The following RNF11 variants were observed in gnomAD, a reference collection of about 807,000 sequenced individuals.
The protein encoded by RNF11 is ring finger protein 11.
RNF11 carries 4 observed loss-of-function variants against 15.8 expected under a neutral mutation model. The ratio of observed to expected loss-of-function variants is 0.25; its 90% CI spans 0.12 to 0.58. The LOEUF is 0.58. Ranked by LOEUF, RNF11 falls within the 20% of genes least tolerant of loss-of-function variation. The pLI is 0.91. For synonymous variants in RNF11, 68 were observed against 72.3 expected (o/e 0.94, Z 0.30); for missense variants, 139 against 194.4 (o/e 0.71, Z 1.70).
At chr1:51,260,234 T>C (rs1323489034) in intron 1 of RNF11, among the ~76,000 whole-genome samples, 1 of 152,230 alleles carries the variant, frequency 6.6e-6, no homozygotes, top group Non-Finnish European at 1.5e-5. Flanking sequence ...TTGCTGGTAT[T>C]TACAAATACA....
At chr1:51,247,990 A>G (rs1387890968) in intron 1 of RNF11, among the ~76,000 whole-genome samples, 3 of 152,102 alleles carry the variant, frequency 2.0e-5, no homozygotes. Context: ...GTAATTTTGT[A>G]TAACAGTTTA....
chr1:51,271,195 G>A lies in RNF11; in HGVS notation c.338G>A (p.Arg113Gln). 7.4e-6 allele frequency: 12 copies of A among 1,614,110 alleles called. No individual in the cohort carries two copies. Among genetic ancestry groups the A allele is most frequent in the Non-Finnish European group, 1.0e-5 (12 of 1,179,974 alleles). The change falls in exon 3 of 3, where the codon CGA becomes CAA. Residue 113 changes from arginine to glutamine, a missense_variant. Arg to Gln is a conservative substitution (Grantham distance 43). Transcript: ENST00000242719. ...GACTTTGTTTATGGGGACCCAATTCGATTTCTGCCGTGCATGCACATCTAT... is the reference window on the plus strand; with the variant it reads ...GACTTTGTTTATGGGGACCCAATTCAATTTCTGCCGTGCATGCACATCTAT... ...MMDFVYGDPIRFLPCMHIYHL... is the reference protein window; with the variant it reads ...MMDFVYGDPIQFLPCMHIYHL...
intron 1 of RNF11, among the ~76,000 whole-genome samples, chr1:51,252,081 C>CAAAAAAAAAAAAAAAAAAAAAA (rs928146865): frequency 2.2e-4 from 12 of 53,606 alleles, no homozygotes; most frequent in East Asian, 6.3e-4. Flanking sequence ...CATCTCAAAG[C>CAAAAAAAAAAAAAAAAAAAAAA]AAAAAAAAAA....
At chr1:51,236,945 G>A in intron 1 of RNF11, 66 bp downstream of exon 1, 3 of 1,535,974 alleles carry the variant, frequency 2.0e-6, no homozygotes, top group Non-Finnish European at 2.6e-6. Context: ...AGGGGGCTTC[G>A]GGGCCGTCTC....
intron 1 of RNF11, among the ~76,000 whole-genome samples, chr1:51,264,098 A>G (rs979110637): frequency 1.8e-4 from 27 of 151,190 alleles, no homozygotes; most frequent in African/African-American, 6.3e-4. Flanking sequence ...TACAAAATGT[A>G]TATTTTTAAT....
At chr1:51,250,862 G>A (rs751955854) in intron 1 of RNF11, 27 of 1,105,856 alleles carry the variant, frequency 2.4e-5, no homozygotes, top group Middle Eastern at 5.6e-4. Flanking sequence ...GCACAGGTGC[G>A]GAGACAATGC....
intron 1 of RNF11, among the ~76,000 whole-genome samples, chr1:51,261,330 G>C (rs1646929732): frequency 6.6e-6 from 1 of 151,990 alleles, no homozygotes; most frequent in Admixed American, 6.6e-5. Context: ...GACTGCATAA[G>C]GTTTCCATGG....
Position 51,236,465 on chromosome 1 carries a change from G to C in RNF11, c.-292G>C, listed in dbSNP as rs1646802450. 1 of 212,768 alleles carries C rather than the reference G, an allele frequency of 4.7e-6. No individual in the cohort carries two copies. The highest frequency in any genetic ancestry group is 9.3e-6 in the Non-Finnish European group (1 of 107,454). 13.2% of individuals were successfully genotyped at this position (212,768 alleles called of 1,614,324 possible). On this transcript the variant is annotated 5_prime_UTR_variant, in exon 1 of 3. Coordinates refer to ENST00000242719, the MANE Select transcript of RNF11 (RefSeq NM_014372.5). ...GCTCCGTGGCCGCCGCCGCCCCGCG[G>C]GGGGGCGGGGTGGGGAAGTGCTTCG...
intron 1 of RNF11, among the ~76,000 whole-genome samples, chr1:51,264,287 AATATATATATATAT>A (rs1162466435): frequency 6.5e-4 from 21 of 32,526 alleles, no homozygotes; most frequent in African/African-American, 1.5e-3. Context: ...AAAAAAAAAA[AATATATATATATAT>A]ATATATATAT....
chr1:51,249,900 A>G (rs1387674419), intron 1 of RNF11, among the ~76,000 whole-genome samples: 1 of 152,240 alleles, frequency 6.6e-6, no homozygotes, highest in Non-Finnish European at 1.5e-5. Context: ...AGTTGACAGA[A>G]TTGTTTGAAT....
intron 1 of RNF11, among the ~76,000 whole-genome samples, chr1:51,238,506 C>T (rs1427221482): frequency 6.6e-6 from 1 of 152,142 alleles, no homozygotes; most frequent in Non-Finnish European, 1.5e-5. Flanking sequence ...CAGTTTCTGG[C>T]ACATAAGCAC....
At chr1:51,237,148 T>C (rs1646807815) in intron 1 of RNF11, among the ~76,000 whole-genome samples, 1 of 152,104 alleles carries the variant, frequency 6.6e-6, no homozygotes, top group African/African-American at 2.4e-5. Flanking sequence ...CAGTGTCTGG[T>C]GGTTCGCTTG....
At chr1:51,245,666 T>G (rs1210194033) in intron 1 of RNF11, among the ~76,000 whole-genome samples, 2 of 152,106 alleles carry the variant, frequency 1.3e-5, no homozygotes, top group African/African-American at 2.4e-5. Context: ...TTGGCCAGAC[T>G]GGTCTTAACT....
intron 2 of RNF11, among the ~76,000 whole-genome samples, chr1:51,270,929 A>G (rs1646975411): frequency 6.6e-6 from 1 of 152,182 alleles, no homozygotes; most frequent in Admixed American, 6.5e-5. Flanking sequence ...TGCTCTGTTG[A>G]TTGCTCCTAA....
chr1:51,264,382 C>G (rs12404033), intron 1 of RNF11, among the ~76,000 whole-genome samples: 37,945 of 143,558 alleles, frequency 0.26, 5,999 homozygotes, highest in African/African-American at 0.46. Flanking sequence ...TTACATCTCT[C>G]TGTGTAATTG....
rs1646977759 is a variant in RNF11, at chr1:51,271,351, A to T, written c.*29A>T. On this transcript the variant is annotated 3_prime_UTR_variant, in exon 3 of 3. Transcript: ENST00000242719. ...AGGGTCTCTTATCTGACTTCAAGTG[A>T]ACCACCATTTTGGTGGTTTTGATCT... 1 of 1,576,054 alleles carries T rather than the reference A, an allele frequency of 6.3e-7. No individual in the cohort carries two copies.
intron 2 of RNF11, among the ~76,000 whole-genome samples, chr1:51,270,458 C>G (rs1002582022): frequency 6.6e-6 from 1 of 151,858 alleles, no homozygotes; most frequent in African/African-American, 2.4e-5. Context: ...ACTGAAAATA[C>G]GAAAATTAGC....
At chr1:51,268,555 G>A (rs1012925508) in intron 1 of RNF11, among the ~76,000 whole-genome samples, 4 of 152,116 alleles carry the variant, frequency 2.6e-5, no homozygotes, top group Non-Finnish European at 4.4e-5. Context: ...AAGAAATCTA[G>A]CCTCTGAAAA....
At chr1:51,246,420 A>T (rs74355181) in intron 1 of RNF11, among the ~76,000 whole-genome samples, 6,205 of 151,704 alleles carry the variant, frequency 0.041, 183 homozygotes, top group Non-Finnish European at 0.058. Flanking sequence ...ACAAAAAAAT[A>T]AAAAATTAGT....
Sources: gnomAD v4.1 joint callset for allele counts (sites outside exome capture counted in the v4.1 genomes callset) on GRCh38, gnomAD v4.1.1 for gene constraint, MANE v1.5 for transcripts, NCBI Gene and HGNC (gene_info 2026-07-23, HGNC 2026-07-21) for gene names.